RAB31: variants seen among roughly 807,000 people sequenced by gnomAD.
RAB31 encodes ras-related protein Rab-31.
Under a neutral mutation model 25.6 loss-of-function variants are expected in RAB31, and 21 were observed. That is an observed-to-expected ratio of 0.82 (90% CI 0.58 to 1.18). RAB31 has a LOEUF of 1.18. Ranked by LOEUF, RAB31 falls within the 50% of genes most tolerant of loss-of-function variation. RAB31 has a pLI of 0.00. For missense variants in RAB31, 196 were observed against 250.1 expected (o/e 0.78, Z 1.46); for synonymous variants, 87 against 84.0 (o/e 1.04, Z -0.20).
At chr18:9,776,062 T>A (rs1371019086) in intron 2 of RAB31, among the ~76,000 whole-genome samples, 1 of 152,180 alleles carries the variant, frequency 6.6e-6, no homozygotes, top group Non-Finnish European at 1.5e-5. Flanking sequence ...AGTGTTGAGA[T>A]TACAGGCATG....
intron 3 of RAB31, among the ~76,000 whole-genome samples, chr18:9,792,783 A>AC (rs2068467619): frequency 6.6e-6 from 1 of 151,908 alleles, no homozygotes; most frequent in Non-Finnish European, 1.5e-5. Flanking sequence ...CAGTACACTG[A>AC]CCCCTAGAGG....
intron 1 of RAB31, among the ~76,000 whole-genome samples, chr18:9,715,413 CCT>C (rs2068038982): frequency 7.3e-6 from 1 of 136,976 alleles, no homozygotes; most frequent in South Asian, 2.5e-4. Context: ...CCCTTTGCCC[CCT>C]TTTTTTTTTT....
intron 5 of RAB31, among the ~76,000 whole-genome samples, chr18:9,828,297 G>A (rs2068660386): frequency 6.6e-6 from 1 of 152,184 alleles, no homozygotes; most frequent in Non-Finnish European, 1.5e-5. Context: ...CCCATTGCCA[G>A]GCAGTCAGAA....
At chr18:9,782,756 A>G (rs7243036) in intron 2 of RAB31, among the ~76,000 whole-genome samples, 104,417 of 151,994 alleles carry the variant, frequency 0.69, 36,657 homozygotes, top group African/African-American at 0.82. Flanking sequence ...GAGTGCAGTG[A>G]CGCAATCATG....
Position 9,764,294 on chromosome 18 carries a change from A to G in RAB31, c.40-10984A>G, listed in dbSNP as rs76336828. Among the ~76,000 whole-genome samples the G allele has an allele frequency of 3.6e-3, 542 of 152,316 alleles. 4 individuals carry two copies. The highest frequency in any genetic ancestry group is 0.012 in the African/African-American group (511 of 41,566). On this transcript the variant is annotated intron_variant, in intron 1 of 6. Transcript: ENST00000578921. The stretch of plus-strand genomic sequence containing the variant: ...GTGTCCTCACTGCAGGAATCAGGAC[A>G]TAATCTTTTTATCCCCTGTCCTTGC...
intron 3 of RAB31, among the ~76,000 whole-genome samples, chr18:9,793,012 T>G (rs2068469043): frequency 6.6e-6 from 1 of 152,154 alleles, no homozygotes; most frequent in African/African-American, 2.4e-5. Flanking sequence ...GCCTTTAGAT[T>G]CAAAAAAGGG....
chr18:9,792,436 G>C (rs1194523926), intron 3 of RAB31, among the ~76,000 whole-genome samples: 1 of 152,154 alleles, frequency 6.6e-6, no homozygotes, highest in Non-Finnish European at 1.5e-5. Flanking sequence ...GCTGAGTTCA[G>C]GTCCCCAAAT....
chr18:9,820,135 T>C (rs2068617746), intron 5 of RAB31, among the ~76,000 whole-genome samples: 1 of 152,100 alleles, frequency 6.6e-6, no homozygotes, highest in Non-Finnish European at 1.5e-5. Flanking sequence ...TGTTTCTTCC[T>C]GATCTTAAGG....
intron 3 of RAB31, among the ~76,000 whole-genome samples, chr18:9,793,082 T>C (rs1046607953): frequency 1.3e-5 from 2 of 152,106 alleles, no homozygotes; most frequent in African/African-American, 4.8e-5. Flanking sequence ...CTAGAGCGTA[T>C]ATTATAAAAG....
chr18:9,834,954 G>A (rs58835348), intron 5 of RAB31, among the ~76,000 whole-genome samples: 62 of 152,268 alleles, frequency 4.1e-4, no homozygotes, highest in African/African-American at 1.5e-3. Context: ...TCTGTCTCCT[G>A]TTTACTTAGG....
intron 5 of RAB31, among the ~76,000 whole-genome samples, chr18:9,832,180 G>A (rs375034322): frequency 6.6e-6 from 1 of 152,314 alleles, no homozygotes. Context: ...CCAGGGTGAG[G>A]TCCACGGAAA....
intron 2 of RAB31, among the ~76,000 whole-genome samples, chr18:9,791,388 CTTTTTTTT>C (rs35523044): frequency 8.4e-5 from 5 of 59,630 alleles, no homozygotes; most frequent in Admixed American, 2.3e-4. Flanking sequence ...GAAACACAGT[CTTTTTTTT>C]TTTTTTTTTT....
chr18:9,858,014 A>T (rs1314151176), intron 6 of RAB31, among the ~76,000 whole-genome samples: 1 of 152,170 alleles, frequency 6.6e-6, no homozygotes. Flanking sequence ...TGGGTGACAG[A>T]GTGAGACCCT....
At chr18:9,827,886 T>TG (rs1314256706) in intron 5 of RAB31, among the ~76,000 whole-genome samples, 2 of 151,554 alleles carry the variant, frequency 1.3e-5, no homozygotes, top group Non-Finnish European at 2.9e-5. Flanking sequence ...AGAAAGGGGG[T>TG]GGGGAAGTAT....
In RAB31 at chr18:9,815,102, C is replaced by A; in HGVS notation, c.274-14C>A. On this transcript the variant is annotated splice_polypyrimidine_tract_variant and intron_variant, in intron 4 of 6. Coordinates refer to ENST00000578921, the MANE Select transcript of RAB31 (RefSeq NM_006868.4). ...AGGGGTCTTTCTAATGATTTGTGTA[C>A]ACTGTTGGTTTAGGATTCATTTTAT... 6.7e-7 allele frequency: 1 copy of A among 1,490,412 alleles called. No individual in the cohort carries two copies. The highest frequency in any genetic ancestry group is 9.2e-7 in the Non-Finnish European group (1 of 1,091,440). 92.3% of individuals were successfully genotyped at this position (1,490,412 alleles called of 1,614,324 possible).
chr18:9,743,092 G>A (rs1299202753), intron 1 of RAB31, among the ~76,000 whole-genome samples: 1 of 152,198 alleles, frequency 6.6e-6, no homozygotes, highest in Non-Finnish European at 1.5e-5. Flanking sequence ...CAAGGGAAAT[G>A]AGGACATGCG....
chr18:9,780,573 T>G (rs2068398098), intron 2 of RAB31, among the ~76,000 whole-genome samples: 1 of 152,222 alleles, frequency 6.6e-6, no homozygotes, highest in African/African-American at 2.4e-5. Context: ...TAAAAACAAT[T>G]TTTAATGGTT....
rs1568161006 is a variant in RAB31, at chr18:9,718,604, T to A, written c.39+10160T>A. On this transcript the variant is annotated intron_variant, in intron 1 of 6. Transcript: ENST00000578921. Reference sequence around the variant, plus strand: ...ATAAACTTCTAAAGAGCTAATTTTTTAAATTATCAAGTAGTTTAGTCTTTT... The same window carrying A: ...ATAAACTTCTAAAGAGCTAATTTTTAAAATTATCAAGTAGTTTAGTCTTTT... 2.0e-5 allele frequency among the ~76,000 whole-genome samples: 3 copies of A among 152,266 alleles called. No individual in the cohort carries two copies. In the South Asian group the frequency reaches 6.2e-4, roughly 32 times the overall value.
chr18:9,795,976 C>A (rs1446477874), intron 3 of RAB31, among the ~76,000 whole-genome samples: 1 of 152,152 alleles, frequency 6.6e-6, no homozygotes, highest in African/African-American at 2.4e-5. Flanking sequence ...ATGGAACCAG[C>A]CCAAATGCCC....
Sources: allele counts gnomAD v4.1 joint callset (sites outside exome capture counted in the v4.1 genomes callset), GRCh38; gene constraint gnomAD v4.1.1; transcripts MANE v1.5; gene names NCBI Gene and HGNC (gene_info 2026-07-23, HGNC 2026-07-21).